The following ZNF461 variants were observed in gnomAD, a reference collection of about 807,000 sequenced individuals.
ZNF461 encodes zinc finger protein 461, also known as gonadotropin-inducible ovarian transcription factor-1.
In ZNF461, 16 loss-of-function variants were observed where a neutral mutation model predicts 18.3. The observed-to-expected ratio is 0.88, with a 90% CI of 0.59 to 1.33. The LOEUF (loss-of-function observed/expected upper bound fraction) is 1.33. Among genes scored for constraint, ZNF461 ranks in the 40% most tolerant of loss-of-function variants. The probability of loss-of-function intolerance (pLI) is 0.00; values close to 1 mark genes in which losing one functional copy is unlikely to be tolerated. For missense variants in ZNF461, 595 were observed against 669.9 expected, an observed-to-expected ratio of 0.89 and a Z score of 1.23; for synonymous variants, 179 against 216.9, an observed-to-expected ratio of 0.83 and a Z score of 1.54.
intron 4 of ZNF461, among the ~76,000 whole-genome samples, chr19:36,644,580 T>G (rs190943025): frequency 0.014 from 1,610 of 111,914 alleles, 34 homozygotes; most frequent in African/African-American, 0.042. Context: ...GTTTTTTGTG[T>G]TTTTTTTTGT....
At chr19:36,664,349 A>C (rs202170983) in intron 2 of ZNF461, among the ~76,000 whole-genome samples, 1 of 152,176 alleles carries the variant, frequency 6.6e-6, no homozygotes, top group Admixed American at 6.5e-5. Flanking sequence ...GCACTTCGGG[A>C]AGCTCAGATG....
chr19:36,640,078 T>C (rs560923282), intron 5 of ZNF461, 35 bp from the exon 6 acceptor site: 1 of 1,527,198 alleles, frequency 6.5e-7, no homozygotes, highest in East Asian at 2.3e-5. Flanking sequence ...ACTCCTGGTT[T>C]TGTACTATAA....
rs2037877206 is a variant in ZNF461 at position 36,664,825 on chromosome 19, T to G, written c.-80-39A>C. The G allele has an allele frequency of 8.3e-6, 6 of 723,230 alleles. No individual in the cohort carries two copies. The South Asian group carries it at 1.3e-4, about 16-fold the overall frequency. 44.8% of individuals were successfully genotyped at this position (723,230 alleles called of 1,614,324 possible). ...GAGTTAAAAAAAAGACAGGAGATTATTGCCTCTAAGCTCCCAAAATGTTAA... is the reference window on the plus strand; with the variant it reads ...GAGTTAAAAAAAAGACAGGAGATTAGTGCCTCTAAGCTCCCAAAATGTTAA... On this transcript the variant is annotated intron_variant, in intron 1 of 5. Coordinates refer to ENST00000588268, the MANE Select transcript of ZNF461 (RefSeq NM_153257.5).
At chr19:36,665,529 T>C (rs1325010054) in intron 1 of ZNF461, among the ~76,000 whole-genome samples, 1 of 151,880 alleles carries the variant, frequency 6.6e-6, no homozygotes, top group African/African-American at 2.4e-5. Flanking sequence ...GCCAACATGG[T>C]GAAATCCCGT....
intron 4 of ZNF461, among the ~76,000 whole-genome samples, chr19:36,646,042 C>T (rs2037520479): frequency 2.0e-5 from 3 of 151,924 alleles, no homozygotes; most frequent in Admixed American, 2.0e-4. Context: ...CTCAGCCTCC[C>T]AAAGTGCTGG....
chr19:36,659,282 G>T (rs1197330321), intron 2 of ZNF461, among the ~76,000 whole-genome samples: 1 of 152,184 alleles, frequency 6.6e-6, no homozygotes, highest in Non-Finnish European at 1.5e-5. Context: ...ATACCACATG[G>T]AACAGAGCTG....
At chr19:36,656,609 C>A in intron 3 of ZNF461, 66 bp from the exon 4 acceptor site, 1 of 1,255,888 alleles carries the variant, frequency 8.0e-7, no homozygotes, top group Admixed American at 2.1e-5. Context: ...TGATTTAGAA[C>A]TGATTAAAAT....
At position 36,639,930 on chromosome 19, in the gene ZNF461, A is replaced by C. The variant is rs373853724; in HGVS notation, c.415T>G (p.Ser139Ala). The C allele has an allele frequency of 6.2e-7, 1 of 1,613,758 alleles. No homozygotes were observed. Among genetic ancestry groups the C allele is most frequent in the Non-Finnish European group, 8.5e-7 (1 of 1,179,880 alleles). ...EEFKSHSPER[S>A]IFSAIWEGNC... ...CCTTCCCAGATAGCGCTGAAAATTG[A>C]TCTCTCAGGACTATGGCTTTTAAAT... is the stretch of plus-strand genomic sequence containing the variant. The change falls in exon 6 of 6, where the codon TCA becomes GCA. Residue 139 changes from serine to alanine, a missense_variant. Coordinates refer to ENST00000588268, the MANE Select transcript of ZNF461 (RefSeq NM_153257.5).
In ZNF461 at chr19:36,637,733, G is replaced by C. The variant is rs2037324401; in HGVS notation, c.*920C>G. The C allele has an allele frequency of 2.7e-6, 1 of 367,280 alleles. No individual in the cohort carries two copies. The highest frequency in any genetic ancestry group is 8.6e-5 in the East Asian group (1 of 11,642). 22.8% of individuals were successfully genotyped at this position (367,280 alleles called of 1,614,324 possible). On this transcript the variant is annotated 3_prime_UTR_variant, in exon 6 of 6. Coordinates refer to ENST00000588268, the MANE Select transcript of ZNF461 (RefSeq NM_153257.5). ...AAATGTGGACTAATAATGAGAATGT[G>C]TAATAAATCACATATTATGAATAAC...
At chr19:36,645,322 TGTAAA>T (rs2037506502) in intron 4 of ZNF461, 1 of 151,074 alleles carries the variant, frequency 6.6e-6, no homozygotes, top group Admixed American at 6.6e-5. Context: ...GTAGATCTCA[TGTAAA>T]GTATTTACAA....
rs1181831811 is a variant in ZNF461, at chr19:36,656,741, C to T, written c.137-198G>A. ...ATAACAAACAAAGCAAACAAACAGG[C>T]GATAAAATAGTACTTAAATTTATGT... is the stretch of plus-strand genomic sequence containing the variant. On this transcript the variant is annotated intron_variant, in intron 3 of 5. Transcript: ENST00000588268. Among the ~76,000 whole-genome samples the T allele has an allele frequency of 2.0e-5, 3 of 151,180 alleles. 1 individual carries two copies. The highest frequency in any genetic ancestry group is 4.2e-4 in the South Asian group (2 of 4,798).
At chr19:36,662,051 T>G (rs2037827317) in intron 2 of ZNF461, among the ~76,000 whole-genome samples, 1 of 152,066 alleles carries the variant, frequency 6.6e-6, no homozygotes, top group Admixed American at 6.5e-5. Flanking sequence ...GTATTTTTAG[T>G]AGAGACGGGG....
intron 2 of ZNF461, among the ~76,000 whole-genome samples, chr19:36,662,981 A>G (rs1003797967): frequency 5.9e-5 from 9 of 152,170 alleles, no homozygotes; most frequent in Admixed American, 6.6e-5. Flanking sequence ...AGAAGAGTGA[A>G]TTAATGTCTC....
At chr19:36,651,314 T>G (rs1215762101) in intron 4 of ZNF461, among the ~76,000 whole-genome samples, 1 of 150,426 alleles carries the variant, frequency 6.6e-6, no homozygotes, top group African/African-American at 2.5e-5. Context: ...CCCTTCAAAA[T>G]GGGGAAAACA....
At chr19:36,661,469 G>C (rs997582438) in intron 2 of ZNF461, among the ~76,000 whole-genome samples, 1 of 151,016 alleles carries the variant, frequency 6.6e-6, no homozygotes, top group East Asian at 1.9e-4. Context: ...CCAAGACGAG[G>C]TAGGAAAACA....
intron 2 of ZNF461, 95 bp from the exon 3 acceptor site, chr19:36,658,520 G>A: frequency 1.6e-6 from 2 of 1,269,302 alleles, no homozygotes; most frequent in Non-Finnish European, 2.2e-6. Context: ...CAAGGAAGGA[G>A]ACAGTCTACT....
rs772020520 is a variant in ZNF461, at chr19:36,664,683, A to G, written c.9+15T>C. 2.4e-5 allele frequency: 36 copies of G among 1,525,146 alleles called. No individual in the cohort carries two copies. The highest frequency in any genetic ancestry group is 1.2e-4 in the Admixed American group (5 of 41,524). The allele number at this position is 1,525,146 out of a possible 1,614,324, so 94.5% of individuals were successfully genotyped here. A position where few individuals can be genotyped will look rare whatever the true frequency, so the allele number is the denominator to read the frequency against. On this transcript the variant is annotated intron_variant, in intron 2 of 5. Transcript: ENST00000588268. Reference sequence around the variant, plus strand: ...ATCAAGTATTGTAATTAGGAGCAAGAAAAAACCAACTTACATGGGCCATGT... The same window carrying G: ...ATCAAGTATTGTAATTAGGAGCAAGGAAAAACCAACTTACATGGGCCATGT...
intron 3 of ZNF461, among the ~76,000 whole-genome samples, chr19:36,657,223 G>A (rs534058302): frequency 6.6e-6 from 1 of 151,766 alleles, no homozygotes; most frequent in East Asian, 2.0e-4. Context: ...GCTCACACCT[G>A]TAATCCCAGC....
intron 4 of ZNF461, among the ~76,000 whole-genome samples, chr19:36,651,952 A>C (rs149339018): frequency 6.6e-6 from 1 of 152,226 alleles, no homozygotes; most frequent in Non-Finnish European, 1.5e-5. Flanking sequence ...CCATCATGAA[A>C]GGTGGCACTA....
Sources: allele counts gnomAD v4.1 joint callset (sites outside exome capture counted in the v4.1 genomes callset), GRCh38; gene constraint gnomAD v4.1.1; transcripts MANE v1.5; gene names NCBI Gene and HGNC (gene_info 2026-07-23, HGNC 2026-07-21).